The following TNKS variants were observed in gnomAD, a reference collection of about 807,000 sequenced individuals.
TNKS encodes poly [ADP-ribose] polymerase tankyrase-1.
In TNKS, 72 loss-of-function variants were observed where a neutral mutation model predicts 135.8. The observed-to-expected ratio is 0.53, with a 90% CI of 0.44 to 0.64. The LOEUF is 0.64. Among genes scored for constraint, TNKS ranks in the 30% least tolerant of loss-of-function variants. TNKS has a pLI of 0.00. For synonymous variants in TNKS, 849 were observed against 649.3 expected (o/e 1.31, Z -4.68); for missense variants, 1,769 against 1,674.0 (o/e 1.06, Z -0.99).
rs577409665 is a variant in TNKS, at chr8:9,645,680, C to G, written c.994+30003C>G. 2.6e-4 allele frequency among the ~76,000 whole-genome samples: 39 copies of G among 152,244 alleles called. No individual in the cohort carries two copies. In the South Asian group the frequency reaches 8.1e-3, roughly 32 times the overall value. On this transcript the variant is annotated intron_variant, in intron 3 of 26. Coordinates refer to ENST00000310430, the MANE Select transcript of TNKS (RefSeq NM_003747.3). ...AATGTATTTTCAACTTAAAATATTT[C>G]CAGTTTACAATGAGATTATTAGGAC...
intron 1 of TNKS, among the ~76,000 whole-genome samples, chr8:9,561,295 A>G (rs1797322858): frequency 6.6e-6 from 1 of 152,232 alleles, no homozygotes; most frequent in Non-Finnish European, 1.5e-5. Flanking sequence ...ACAAATGCAG[A>G]TACATGTGTA....
At chr8:9,562,884 T>C (rs1352975023) in intron 1 of TNKS, among the ~76,000 whole-genome samples, 1 of 152,082 alleles carries the variant, frequency 6.6e-6, no homozygotes. Context: ...GATATTCTAT[T>C]ACAGTATGTC....
intron 1 of TNKS, among the ~76,000 whole-genome samples, chr8:9,567,868 A>G (rs1797607867): frequency 6.6e-6 from 1 of 152,206 alleles, no homozygotes; most frequent in African/African-American, 2.4e-5. Flanking sequence ...AAAGTATGTA[A>G]TGCCACTGAA....
chr8:9,648,404 T>A (rs1171147279), intron 3 of TNKS, among the ~76,000 whole-genome samples: 1 of 152,160 alleles, frequency 6.6e-6, no homozygotes, highest in Non-Finnish European at 1.5e-5. Flanking sequence ...TTTAAAACTT[T>A]TTAAACTTTT....
intron 5 of TNKS, among the ~76,000 whole-genome samples, chr8:9,682,638 C>G (rs1347701334): frequency 6.6e-6 from 1 of 152,018 alleles, no homozygotes; most frequent in South Asian, 2.1e-4. Flanking sequence ...TATTTTGCAC[C>G]AGGACCAAGG....
At chr8:9,596,425 G>A (rs1339899347) in intron 2 of TNKS, among the ~76,000 whole-genome samples, 4 of 152,108 alleles carry the variant, frequency 2.6e-5, no homozygotes. Context: ...TATAATAATT[G>A]TATTTATAGG....
At chr8:9,672,721 A>AAAAAC (rs1554466626) in intron 3 of TNKS, among the ~76,000 whole-genome samples, 1 of 147,648 alleles carries the variant, frequency 6.8e-6, no homozygotes, top group African/African-American at 2.5e-5. Context: ...CAAAAAAAAA[A>AAAAAC]AAACAAACTA....
chr8:9,567,881 C>G (rs1347803828), intron 1 of TNKS, among the ~76,000 whole-genome samples: 1 of 151,948 alleles, frequency 6.6e-6, no homozygotes. Flanking sequence ...CCACTGAACT[C>G]TACATTTAAA....
At chr8:9,664,430 C>G (rs1801890963) in intron 3 of TNKS, among the ~76,000 whole-genome samples, 2 of 152,226 alleles carry the variant, frequency 1.3e-5, no homozygotes, top group South Asian at 4.1e-4. Context: ...ACCTCCATGA[C>G]TCAGACACCT....
At chr8:9,627,773 G>A (rs906887976) in intron 3 of TNKS, among the ~76,000 whole-genome samples, 1 of 152,126 alleles carries the variant, frequency 6.6e-6, no homozygotes, top group Admixed American at 6.5e-5. Context: ...GTAATTGTCA[G>A]ATTTCACTTT....
At chr8:9,641,835 A>G (rs1392496800) in intron 3 of TNKS, among the ~76,000 whole-genome samples, 2 of 146,226 alleles carry the variant, frequency 1.4e-5, no homozygotes, top group Non-Finnish European at 3.0e-5. Context: ...ATCTATCTGC[A>G]CAAGTCGTTT....
chr8:9,563,956 CCT>C (rs765750637), intron 1 of TNKS, among the ~76,000 whole-genome samples: 6 of 152,070 alleles, frequency 3.9e-5, no homozygotes, highest in Non-Finnish European at 8.8e-5. Flanking sequence ...GGTAATCCCC[CCT>C]GTCCCTTTTT....
chr8:9,560,549 G>A (rs567268017), intron 1 of TNKS, among the ~76,000 whole-genome samples: 2 of 102,448 alleles, frequency 2.0e-5, no homozygotes, highest in East Asian at 5.6e-4. Flanking sequence ...TACAAATGTC[G>A]TTCCTGTTAA....
chr8:9,763,874 A>C (rs1022159078), intron 22 of TNKS, among the ~76,000 whole-genome samples: 2 of 152,136 alleles, frequency 1.3e-5, no homozygotes, highest in Non-Finnish European at 2.9e-5. Context: ...TAGGCAGAAA[A>C]AGGTATGCCT....
chr8:9,566,460 T>G (rs558373125), intron 1 of TNKS: 1 of 152,174 alleles, frequency 6.6e-6, no homozygotes, highest in Non-Finnish European at 1.5e-5. Flanking sequence ...TTTCATTATT[T>G]AATTCAATGA....
chr8:9,762,973 TTGAGTA>T (rs536196464), intron 21 of TNKS, among the ~76,000 whole-genome samples, 168 bp from the exon 22 acceptor site: 152 of 152,040 alleles, frequency 1.0e-3, no homozygotes, highest in African/African-American at 3.6e-3. Context: ...CTGTCTGTCT[TTGAGTA>T]TATTTGTTTA....
chr8:9,715,917 C>T (rs1160475360), intron 11 of TNKS, among the ~76,000 whole-genome samples: 2 of 152,092 alleles, frequency 1.3e-5, no homozygotes, highest in Non-Finnish European at 2.9e-5. Flanking sequence ...GGTTAGTCTG[C>T]CCTGGCATTC....
chr8:9,751,831 A>G lies in TNKS; in HGVS notation c.3055A>G (p.Arg1019Gly). ...NAGDGAAGTERKEGEVAGLDM... is the reference protein window; with the variant it reads ...NAGDGAAGTEGKEGEVAGLDM... ...AGGGGATGGCGCCGCGGGAACAGAA[A>G]GGAAGGAAGGAGAAGGTGAGTAGAC... The change falls in exon 19 of 27, where the codon AGG becomes GGG. Residue 1019 changes from arginine (R) to glycine (G), a missense_variant. Transcript: ENST00000310430. The G allele has an allele frequency of 6.2e-7, 1 of 1,613,652 alleles. No individual in the cohort carries two copies. Among genetic ancestry groups the G allele is most frequent in the Non-Finnish European group, 8.5e-7 (1 of 1,179,594 alleles).
At chr8:9,596,499 T>C (rs2128756781) in intron 2 of TNKS, among the ~76,000 whole-genome samples, 1 of 152,332 alleles carries the variant, frequency 6.6e-6, no homozygotes, top group Middle Eastern at 3.4e-3. Context: ...CTGCTAATTA[T>C]CTTTTTAAAA....
Sources: gnomAD v4.1 joint callset for allele counts (sites outside exome capture counted in the v4.1 genomes callset) on GRCh38, gnomAD v4.1.1 for gene constraint, MANE v1.5 for transcripts, NCBI Gene and HGNC (gene_info 2026-07-23, HGNC 2026-07-21) for gene names.